The following ACAD11 variants were observed in gnomAD, a reference collection of about 807,000 sequenced individuals.
ACAD11 encodes the protein acyl-Coenzyme A dehydrogenase family, member 11.
Under a neutral mutation model 102.2 loss-of-function variants are expected in ACAD11, and 83 were observed. The ratio of observed to expected loss-of-function variants is 0.81; its 90% CI spans 0.68 to 0.97. The LOEUF is 0.97. ACAD11 is among the 50% of genes least tolerant of loss of function. The probability of loss-of-function intolerance (pLI) is 0.00; values close to 1 mark genes in which losing one functional copy is unlikely to be tolerated. For missense variants in ACAD11, 901 were observed against 951.7 expected, an observed-to-expected ratio of 0.95 and a Z score of 0.70; for synonymous variants, 324 against 319.8, an observed-to-expected ratio of 1.01 and a Z score of -0.14.
rs550883160 is a variant in ACAD11 at position 132,615,777 on chromosome 3, G to A, written c.1414+2857C>T. ...GTATACCTACGTAACAAACCTTCAC[G>A]TTCTGCACACGTATCCCAGAACTTA... On this transcript the variant is annotated intron_variant, in intron 11 of 19. Transcript: ENST00000264990. Among the ~76,000 whole-genome samples, 9 of 152,188 alleles carry A rather than the reference G, an allele frequency of 5.9e-5. No individual in the cohort carries two copies. The South Asian group carries it at 1.7e-3, about 28-fold the overall frequency.
intron 1 of ACAD11, among the ~76,000 whole-genome samples, chr3:132,652,125 A>C (rs1313701847): frequency 6.6e-6 from 1 of 152,168 alleles, no homozygotes; most frequent in Non-Finnish European, 1.5e-5. Flanking sequence ...CCCAATTCCC[A>C]TGTATCATGG....
chr3:132,622,900 A>T (rs1235784492), intron 9 of ACAD11, among the ~76,000 whole-genome samples: 2 of 152,234 alleles, frequency 1.3e-5, no homozygotes, highest in African/African-American at 4.8e-5. Flanking sequence ...TACTAGAAAG[A>T]AGCAACAGTT....
At chr3:132,616,807 T>TAGC (rs1491433214) in intron 11 of ACAD11, among the ~76,000 whole-genome samples, 1 of 152,220 alleles carries the variant, frequency 6.6e-6, no homozygotes, top group East Asian at 1.9e-4. Flanking sequence ...GTGAATAGAC[T>TAGC]TTAATTTTAC....
intron 13 of ACAD11, among the ~76,000 whole-genome samples, chr3:132,582,479 T>C (rs1406774382): frequency 2.0e-5 from 3 of 151,976 alleles, no homozygotes; most frequent in African/African-American, 7.2e-5. Context: ...AAAAAACCCA[T>C]CTTGTAAACA....
At chr3:132,579,339 A>G in intron 14 of ACAD11, 153 bp downstream of exon 14, 2 of 691,944 alleles carry the variant, frequency 2.9e-6, no homozygotes, top group South Asian at 4.3e-5. Context: ...CACCTGTTAG[A>G]AAATACTTGT....
intron 11 of ACAD11, among the ~76,000 whole-genome samples, chr3:132,613,672 A>G (rs1247408488): frequency 1.3e-5 from 2 of 152,014 alleles, no homozygotes; most frequent in Non-Finnish European, 2.9e-5. Flanking sequence ...GCCAAGGTGG[A>G]TGGATCACCT....
At position 132,580,339 on chromosome 3, in the gene ACAD11, T is replaced by C. The variant is rs376248525; in HGVS notation, c.1622-781A>G. ...CCAGGAGTTAAAAGGATAAACTCCA[T>C]GGAACATATTAAAGGACATTGCAGG... On this transcript the variant is annotated intron_variant, in intron 13 of 19. Transcript: ENST00000264990. 1.1e-3 allele frequency among the ~76,000 whole-genome samples: 165 copies of C among 152,216 alleles called. 1 individual carries two copies. Among genetic ancestry groups the C allele is most frequent in the African/African-American group, 3.8e-3 (156 of 41,576 alleles).
intron 13 of ACAD11, among the ~76,000 whole-genome samples, chr3:132,585,378 A>T (rs964087853): frequency 2.6e-5 from 4 of 152,180 alleles, no homozygotes; most frequent in Admixed American, 6.5e-5. Context: ...TTAGACCTAA[A>T]ACCATAAAAA....
At chr3:132,624,952 C>T (rs368453677) in intron 9 of ACAD11, among the ~76,000 whole-genome samples, 1 of 152,066 alleles carries the variant, frequency 6.6e-6, no homozygotes, top group East Asian at 1.9e-4. Flanking sequence ...CCCACAGTGC[C>T]GGGATTACAG....
chr3:132,559,161 A>G (rs1171973405), intron 19 of ACAD11, 76 bp from the exon 20 acceptor site: 2 of 989,708 alleles, frequency 2.0e-6, no homozygotes, highest in Non-Finnish European at 1.6e-6. Context: ...AGTCACTCTG[A>G]TTGTCAACCA....
Position 132,644,823 on chromosome 3 carries a change from C to CTGG in ACAD11, c.220_222dup (p.Pro74dup). On this transcript the variant is annotated inframe_insertion, in exon 2 of 20. Transcript: ENST00000264990. ...TGATGTGCTTTAGGAAGAAGTGAAC[C>CTGG]TGGTGGTTTTTTCCTGAGCACATAT... 6.2e-7 allele frequency: 1 copy of CTGG among 1,611,630 alleles called. No individual in the cohort carries two copies. The highest frequency in any genetic ancestry group is 8.5e-7 in the Non-Finnish European group (1 of 1,178,820).
At chr3:132,641,705 GAAGAAGAAGAA>G in intron 4 of ACAD11, among the ~76,000 whole-genome samples, 1 of 114,656 alleles carries the variant, frequency 8.7e-6, no homozygotes, top group Non-Finnish European at 1.8e-5. Context: ...AGAGGAAGAA[GAAGAAGAAGAA>G]GAAGAAGAAG....
intron 11 of ACAD11, among the ~76,000 whole-genome samples, chr3:132,612,369 A>G (rs1939193952): frequency 6.6e-6 from 1 of 152,082 alleles, no homozygotes; most frequent in African/African-American, 2.4e-5. Context: ...GACAAAATTG[A>G]CAAATGGGAT....
At chr3:132,578,993 G>A (rs1473757182) in intron 14 of ACAD11, 112 bp from the exon 15 acceptor site, 1 of 1,539,598 alleles carries the variant, frequency 6.5e-7, no homozygotes, top group Non-Finnish European at 8.8e-7. Context: ...CATGTAAGCA[G>A]TGATGACTGG....
intron 17 of ACAD11, among the ~76,000 whole-genome samples, chr3:132,562,605 T>A (rs1007479835): frequency 6.6e-6 from 1 of 152,174 alleles, no homozygotes; most frequent in Non-Finnish European, 1.5e-5. Context: ...CAGCACTTAG[T>A]ATCATATTTT....
intron 1 of ACAD11, among the ~76,000 whole-genome samples, chr3:132,645,491 A>G (rs1407205866): frequency 6.6e-6 from 1 of 152,176 alleles, no homozygotes; most frequent in Non-Finnish European, 1.5e-5. Context: ...ATGAACAGAA[A>G]TTCTCACCTA....
At chr3:132,607,155 C>T (rs532206096) in intron 11 of ACAD11, among the ~76,000 whole-genome samples, 1 of 152,130 alleles carries the variant, frequency 6.6e-6, no homozygotes, top group East Asian at 1.9e-4. Flanking sequence ...GAAAAATCCA[C>T]GAAGATGAGG....
intron 13 of ACAD11, among the ~76,000 whole-genome samples, chr3:132,595,388 G>A (rs1322084760): frequency 6.6e-6 from 1 of 152,146 alleles, no homozygotes; most frequent in Admixed American, 6.6e-5. Context: ...GACCTTGTGG[G>A]ATCTTGTAGA....
At chr3:132,566,482 G>T (rs1226760931) in intron 17 of ACAD11, among the ~76,000 whole-genome samples, 1 of 151,972 alleles carries the variant, frequency 6.6e-6, no homozygotes, top group Non-Finnish European at 1.5e-5. Flanking sequence ...AAGAAGCTGG[G>T]TGAATCCCAA....
Sources: allele counts gnomAD v4.1 joint callset (sites outside exome capture counted in the v4.1 genomes callset), GRCh38; gene constraint gnomAD v4.1.1; transcripts MANE v1.5; gene names NCBI Gene and HGNC (gene_info 2026-07-23, HGNC 2026-07-21).